Variants in FBXO4 observed in about 807,000 individuals in gnomAD.
FBXO4 encodes the protein F-box protein 4.
Under a neutral mutation model 43.7 loss-of-function variants are expected in FBXO4, and 36 were observed. The ratio of observed to expected loss-of-function variants is 0.82; its 90% CI spans 0.63 to 1.09. The LOEUF is 1.09. FBXO4 is among the 50% of genes least tolerant of loss of function. FBXO4 has a pLI of 0.00. For missense variants in FBXO4, 435 were observed against 474.1 expected (o/e 0.92, Z 0.77); for synonymous variants, 180 against 165.6 (o/e 1.09, Z -0.67).
At chr5:42,009,906 T>C in the FBXO4 span, among the ~76,000 whole-genome samples, 2 of 152,196 alleles carry the variant, frequency 1.3e-5, no homozygotes, top group Non-Finnish European at 2.9e-5. Context: ...TAAAACTCTA[T>C]ACATATTAAA....
At chr5:41,987,123 A>C in the FBXO4 span, among the ~76,000 whole-genome samples, 45 of 152,290 alleles carry the variant, frequency 3.0e-4, 1 homozygote, top group African/African-American at 8.9e-4. Context: ...CAGTGTTTTT[A>C]CAGAAAAATC....
At chr5:42,017,778 C>CT in the FBXO4 span, among the ~76,000 whole-genome samples, 7,709 of 145,352 alleles carry the variant, frequency 0.053, 262 homozygotes, top group Admixed American at 0.11. Context: ...GATTTCCTGC[C>CT]TTTTTTTTTT....
the FBXO4 span, among the ~76,000 whole-genome samples, chr5:41,959,035 T>G: frequency 2.0e-5 from 3 of 152,344 alleles, no homozygotes; most frequent in South Asian, 6.2e-4. Context: ...AAAGTTCTTT[T>G]CTCTGCATCC....
the FBXO4 span, among the ~76,000 whole-genome samples, chr5:41,998,325 C>G: frequency 6.6e-6 from 1 of 152,154 alleles, no homozygotes; most frequent in African/African-American, 2.4e-5. Flanking sequence ...AGGTGCTGCC[C>G]TCACAAATCT....
the FBXO4 span, among the ~76,000 whole-genome samples, chr5:42,036,564 T>C: frequency 0.016 from 2,418 of 152,188 alleles, 120 homozygotes; most frequent in East Asian, 0.1. Flanking sequence ...GAAATTCAAA[T>C]ATTTACCAAA....
At chr5:42,026,790 A>G in the FBXO4 span, among the ~76,000 whole-genome samples, 1,374 of 151,998 alleles carry the variant, frequency 9.0e-3, 10 homozygotes, top group Middle Eastern at 0.02. Context: ...CTTTTTCACC[A>G]TCACTTGAAA....
the FBXO4 span, chr5:41,963,901 A>G: frequency 1.3e-5 from 2 of 152,258 alleles, no homozygotes; most frequent in Admixed American, 1.3e-4. Flanking sequence ...TGAGTGTGGA[A>G]AAAGAACAAA....
At chr5:41,940,342 A>G (rs1253266992) in intron 6 of FBXO4, among the ~76,000 whole-genome samples, 1 of 151,960 alleles carries the variant, frequency 6.6e-6, no homozygotes, top group Non-Finnish European at 1.5e-5. Flanking sequence ...GCTCACTCCA[A>G]CCTCTGCCTC....
intron 3 of FBXO4, among the ~76,000 whole-genome samples, chr5:41,931,692 T>C (rs1033962536): frequency 2.0e-5 from 3 of 152,200 alleles, no homozygotes; most frequent in Non-Finnish European, 4.4e-5. Context: ...AAGAGCAAGA[T>C]CTGGGCTAGA....
chr5:42,019,142 T>C, the FBXO4 span, among the ~76,000 whole-genome samples: 15 of 152,180 alleles, frequency 9.9e-5, no homozygotes, highest in Admixed American at 2.6e-4. Context: ...GGGCAACTTA[T>C]ATGCAATCTA....
chr5:41,925,534 G>A, intron 1 of FBXO4, 36 bp downstream of exon 1: 1 of 1,286,258 alleles, frequency 7.8e-7, no homozygotes, highest in Non-Finnish European at 9.9e-7. Context: ...GGACAGTGGG[G>A]CCGGCCCGGG....
chr5:41,994,738 G>A, the FBXO4 span, among the ~76,000 whole-genome samples: 268 of 152,270 alleles, frequency 1.8e-3, no homozygotes, highest in Non-Finnish European at 3.0e-3. Context: ...AGCCCAAAAT[G>A]TCCAGGTGGC....
At chr5:41,945,086 A>C (rs74903253), downstream of FBXO4, among the ~76,000 whole-genome samples, 50 of 152,330 alleles carry the variant, frequency 3.3e-4, no homozygotes, top group African/African-American at 1.2e-3. Context: ...AACTGTCATT[A>C]ACATGCACAA....
chr5:41,967,065 C>A, the FBXO4 span: 2 of 258,158 alleles, frequency 7.7e-6, no homozygotes, highest in Non-Finnish European at 1.5e-5. Flanking sequence ...AAAAAAAAAT[C>A]ACGTTTCTCT....
chr5:41,951,513 C>T, the FBXO4 span: 19 of 257,988 alleles, frequency 7.4e-5, no homozygotes, highest in Non-Finnish European at 1.3e-4. Context: ...GAAGTCTGTT[C>T]GCCCTGAAAT....
chr5:42,009,176 A>T, the FBXO4 span, among the ~76,000 whole-genome samples: 2 of 152,248 alleles, frequency 1.3e-5, no homozygotes, highest in African/African-American at 2.4e-5. Flanking sequence ...ATTTCTAAGC[A>T]CTAACACCTG....
chr5:41,950,564 C>T, the FBXO4 span, among the ~76,000 whole-genome samples: 1 of 152,194 alleles, frequency 6.6e-6, no homozygotes, highest in Non-Finnish European at 1.5e-5. Context: ...CAGGAAACAA[C>T]AGATTCTAGA....
At chr5:42,029,460 C>T in the FBXO4 span, among the ~76,000 whole-genome samples, 1 of 151,762 alleles carries the variant, frequency 6.6e-6, no homozygotes, top group African/African-American at 2.4e-5. Flanking sequence ...TCATAACCTT[C>T]TTGTAATTGG....
chr5:41,961,843 G>A, the FBXO4 span, among the ~76,000 whole-genome samples: 1 of 152,146 alleles, frequency 6.6e-6, no homozygotes, highest in Non-Finnish European at 1.5e-5. Context: ...TGCCTTAGTG[G>A]CAAAAGTAGC....
Sources: allele counts gnomAD v4.1 joint callset (sites outside exome capture counted in the v4.1 genomes callset), GRCh38; gene constraint gnomAD v4.1.1; transcripts MANE v1.5; gene names NCBI Gene and HGNC (gene_info 2026-07-23, HGNC 2026-07-21).